The following NTRK3 variants were observed in gnomAD, a reference collection of about 807,000 sequenced individuals.
The protein encoded by NTRK3 is neurotrophic receptor tyrosine kinase 3.
NTRK3 carries 24 observed loss-of-function variants against 91.7 expected under a neutral mutation model. The observed-to-expected ratio is 0.26, with a 90% CI of 0.19 to 0.37. The LOEUF (loss-of-function observed/expected upper bound fraction) is 0.37, where lower values mean the gene tolerates loss of function less well. Among genes scored for constraint, NTRK3 ranks in the 10% least tolerant of loss-of-function variants. NTRK3 has a pLI of 1.00. For synonymous variants in NTRK3, 483 were observed against 404.0 expected (o/e 1.20, Z -2.34); for missense variants, 880 against 1,068.9 (o/e 0.82, Z 2.46).
chr15:87,903,509 G>C (rs561525442), intron 17 of NTRK3, among the ~76,000 whole-genome samples: 2 of 152,172 alleles, frequency 1.3e-5, no homozygotes, highest in Non-Finnish European at 2.9e-5. Flanking sequence ...CTAGGGGCTT[G>C]CTCTGCTCTG....
At chr15:87,870,865 G>C (rs1045131072) in exon 19 of NTRK3, 2 of 226,718 alleles carry the variant, frequency 8.8e-6, no homozygotes, top group South Asian at 1.8e-4. Flanking sequence ...TTGTCAGCTA[G>C]AAGTATCCCC....
chr15:88,032,727 G>A lies in NTRK3; in HGVS notation c.1585+130C>T, dbSNP rs954136011. 11 of 1,006,800 alleles carry A rather than the reference G, an allele frequency of 1.1e-5. No individual in the cohort carries two copies. The Admixed American group carries it at 1.8e-4, about 17-fold the overall frequency. 62.4% of individuals were successfully genotyped at this position (1,006,800 alleles called of 1,614,324 possible). A position where few individuals can be genotyped will look rare whatever the true frequency, so the allele number is the denominator to read the frequency against. On this transcript the variant is annotated intron_variant, in intron 14 of 18. Transcript: ENST00000394480. Reference sequence around the variant, plus strand: ...CTTCAAGTTTTGAAACAAACAGGGAGGGTCTCTTAGAAAGTGGGAGGTTGG... The same window carrying A: ...CTTCAAGTTTTGAAACAAACAGGGAAGGTCTCTTAGAAAGTGGGAGGTTGG...
At chr15:88,044,969 G>C (rs566612013) in intron 13 of NTRK3, among the ~76,000 whole-genome samples, 4 of 152,290 alleles carry the variant, frequency 2.6e-5, no homozygotes, top group Non-Finnish European at 5.9e-5. Context: ...CTTTGCATAG[G>C]GGATGGACTA....
intron 14 of NTRK3, among the ~76,000 whole-genome samples, chr15:87,954,309 T>C (rs2141142181): frequency 6.6e-6 from 1 of 152,276 alleles, no homozygotes; most frequent in African/African-American, 2.4e-5. Context: ...GCCCTTTCCC[T>C]CTATGTCTCC....
chr15:88,200,104 G>A (rs1433455678), intron 3 of NTRK3, among the ~76,000 whole-genome samples: 1 of 152,214 alleles, frequency 6.6e-6, no homozygotes, highest in Non-Finnish European at 1.5e-5. Context: ...GAGCATGATT[G>A]AGCCCAGGCT....
At chr15:87,907,117 G>T in intron 17 of NTRK3, among the ~76,000 whole-genome samples, 1 of 152,292 alleles carries the variant, frequency 6.6e-6, no homozygotes, top group Middle Eastern at 3.4e-3. Flanking sequence ...AATATTAAAT[G>T]TTTGTTGAAA....
intron 13 of NTRK3, among the ~76,000 whole-genome samples, chr15:88,106,312 G>A (rs80117037): frequency 0.01 from 1,525 of 152,332 alleles, 26 homozygotes; most frequent in African/African-American, 0.033. Context: ...GAGCTTTACT[G>A]GGCCAAGGAG....
chr15:88,051,486 G>A (rs1336942778), intron 13 of NTRK3, among the ~76,000 whole-genome samples: 1 of 152,174 alleles, frequency 6.6e-6, no homozygotes, highest in Non-Finnish European at 1.5e-5. Flanking sequence ...CTAAGAAAAG[G>A]CAACAGTGTT....
intron 14 of NTRK3, among the ~76,000 whole-genome samples, chr15:88,014,967 C>A (rs1386275078): frequency 6.6e-6 from 1 of 152,172 alleles, no homozygotes; most frequent in African/African-American, 2.4e-5. Flanking sequence ...CCTATGAAGA[C>A]AATATAAATA....
At chr15:87,862,373 T>C (rs1459269999) in exon 19 of NTRK3, 2 of 225,714 alleles carry the variant, frequency 8.9e-6, no homozygotes, top group African/African-American at 4.4e-5. Context: ...CACCACTAAA[T>C]GTTATGGATG....
chr15:88,211,632 T>C (rs113617820), intron 3 of NTRK3, among the ~76,000 whole-genome samples: 6 of 152,364 alleles, frequency 3.9e-5, no homozygotes, highest in African/African-American at 1.4e-4. Context: ...CAAAGGAGTA[T>C]GTGTTAACAG....
chr15:88,136,575 C>G (rs1338817623), exon 8 of NTRK3: 1 of 1,613,476 alleles, frequency 6.2e-7, no homozygotes, highest in African/African-American at 1.3e-5. Context: ...CTCGTACGGT[C>G]AGGTTGACGT....
At chr15:87,974,715 A>T (rs963595157) in intron 14 of NTRK3, among the ~76,000 whole-genome samples, 8 of 152,164 alleles carry the variant, frequency 5.3e-5, no homozygotes, top group African/African-American at 1.9e-4. Context: ...CCATGCTTTC[A>T]TACACCCCCA....
At chr15:87,978,236 G>A (rs2073899893) in intron 14 of NTRK3, 1 of 231,056 alleles carries the variant, frequency 4.3e-6, no homozygotes, top group South Asian at 1.8e-4. Flanking sequence ...CCCTCTTTGG[G>A]AGAGGGTGGC....
chr15:87,960,154 C>T (rs1354931162), intron 14 of NTRK3, among the ~76,000 whole-genome samples: 2 of 152,170 alleles, frequency 1.3e-5, no homozygotes, highest in South Asian at 2.1e-4. Flanking sequence ...GGTCCCTCCT[C>T]GAACAAGACT....
At chr15:88,127,072 A>G (rs989846586) in intron 12 of NTRK3, 90 bp downstream of exon 12, 5 of 1,145,068 alleles carry the variant, frequency 4.4e-6, no homozygotes, top group African/African-American at 1.5e-5. Context: ...GTTTCAAGTA[A>G]GATAATATTT....
intron 17 of NTRK3, among the ~76,000 whole-genome samples, chr15:87,895,426 C>T (rs1327382834): frequency 6.6e-6 from 1 of 152,132 alleles, no homozygotes; most frequent in Non-Finnish European, 1.5e-5. Flanking sequence ...CCCTAGAAAC[C>T]ACAAATTCTC....
chr15:88,175,609 T>C (rs2045926462), intron 5 of NTRK3, among the ~76,000 whole-genome samples: 1 of 152,216 alleles, frequency 6.6e-6, no homozygotes, highest in African/African-American at 2.4e-5. Flanking sequence ...TCATCTGCTA[T>C]ATGTACTATT....
chr15:88,080,259 T>C (rs2047929006), intron 13 of NTRK3, among the ~76,000 whole-genome samples: 1 of 152,216 alleles, frequency 6.6e-6, no homozygotes, highest in South Asian at 2.1e-4. Context: ...AGAGAATATC[T>C]TTTTTAAGGT....
Sources: allele counts gnomAD v4.1 joint callset (sites outside exome capture counted in the v4.1 genomes callset), GRCh38; gene constraint gnomAD v4.1.1; transcripts MANE v1.5; gene names NCBI Gene and HGNC (gene_info 2026-07-23, HGNC 2026-07-21).